The following TBX2 variants were observed in gnomAD, a reference collection of about 807,000 sequenced individuals.
TBX2 encodes T-box transcription factor 2.
TBX2 carries 19 observed loss-of-function variants against 48.4 expected under a neutral mutation model. That is an observed-to-expected ratio of 0.39 (90% CI 0.27 to 0.58). The LOEUF is 0.58. Ranked by LOEUF, TBX2 falls within the 20% of genes least tolerant of loss-of-function variation. The pLI, the probability that TBX2 is intolerant of heterozygous loss-of-function variation, is 0.54. For missense variants in TBX2, 994 were observed against 1,006.5 expected (o/e 0.99, Z 0.17); for synonymous variants, 522 against 459.7 (o/e 1.14, Z -1.73).
At position 61,403,017 on chromosome 17, in the gene TBX2, G is replaced by T; in HGVS notation, c.664-44G>T. The T allele has an allele frequency of 6.4e-7, 1 of 1,563,646 alleles. No homozygotes were observed. The highest frequency in any genetic ancestry group is 8.6e-7 in the Non-Finnish European group (1 of 1,160,556). On this transcript the variant is annotated intron_variant, in intron 2 of 6. Transcript: ENST00000240328. The surrounding 1 kb of genome is among the most constrained non-coding windows in gnomAD (Gnocchi z 5.8). Reference sequence around the variant, plus strand: ...GGTACCCAAAGAATAGAAAAGCTCGGGCCGGGGCTGGTGGCTGCCGGCTGA... The same window carrying T: ...GGTACCCAAAGAATAGAAAAGCTCGTGCCGGGGCTGGTGGCTGCCGGCTGA...
In TBX2 at chr17:61,403,249, C is replaced by T. The variant is rs779990258; in HGVS notation, c.810+42C>T. 1.1e-5 allele frequency: 17 copies of T among 1,601,834 alleles called. No homozygotes were observed. Among genetic ancestry groups the T allele is most frequent in the African/African-American group, 1.3e-5 (1 of 74,564 alleles). ...GTGGGCTAAGCCCCTGCACTGACGC[C>T]CCTCAACACGTGCAGGCCCAACCGT... On this transcript the variant is annotated intron_variant, in intron 3 of 6. Transcript: ENST00000240328. The surrounding 1 kb of genome is among the most constrained non-coding windows in gnomAD (Gnocchi z 5.8).
At chr17:61,402,700 TGGGTTTCTTTTGTGGGGA>T (rs2060268776) in intron 2 of TBX2, among the ~76,000 whole-genome samples, 1 of 152,068 alleles carries the variant, frequency 6.6e-6, no homozygotes, top group African/African-American at 2.4e-5. Flanking sequence ...TTATTTTGTT[TGGGTTTCTTTTGTGGGGA>T]GGGGTTGTTT....
chr17:61,404,906 C>T (rs1300515679), intron 5 of TBX2, 137 bp downstream of exon 5: 2 of 1,367,058 alleles, frequency 1.5e-6, no homozygotes, highest in Admixed American at 3.9e-5. Context: ...GATGGGGTTT[C>T]CGTCCCGGGA....
intron 2 of TBX2, 126 bp downstream of exon 2, chr17:61,402,077 C>G: frequency 7.3e-7 from 1 of 1,368,028 alleles, no homozygotes; most frequent in Non-Finnish European, 9.7e-7. Flanking sequence ...AGTGCCCCTG[C>G]CCGGGTCACT....
At chr17:61,407,888 C>A in intron 6 of TBX2, 166 bp from the exon 7 acceptor site, 1 of 855,840 alleles carries the variant, frequency 1.2e-6, no homozygotes, top group Non-Finnish European at 1.8e-6. Flanking sequence ...TGGCCACAGG[C>A]ACACTGGCTC....
At position 61,405,629 on chromosome 17, in the gene TBX2, T is replaced by A. The variant is rs1164146061; in HGVS notation, c.1479T>A (p.Pro493=). The change falls in exon 6 of 7, where the codon CCT becomes CCA. Residue 493 remains proline (P), a synonymous_variant. Transcript: ENST00000240328. ...CCGGCCAGCCGCTCTTCCTGCACCC[T>A]GGACAGTTCACCATGGGCCCTGGCG... ...LGAGQPLFLH[P]GQFTMGPGAF... 3 of 1,562,268 alleles carry A rather than the reference T, an allele frequency of 1.9e-6. No individual in the cohort carries two copies. The highest frequency in any genetic ancestry group is 2.6e-6 in the Non-Finnish European group (3 of 1,158,204).
Position 61,405,837 on chromosome 17 carries a change from G to T in TBX2, c.1686+1G>T. On this transcript the variant is annotated splice_donor_variant, in intron 6 of 6. Transcript: ENST00000240328. LOFTEE classifies it high-confidence loss of function. Reference sequence around the variant, plus strand: ...CTCCCAGCACATGCTGGCATCTCAGGTAAGGCCTGTGACCCCGCGGCAGCG... The same window carrying T: ...CTCCCAGCACATGCTGGCATCTCAGTTAAGGCCTGTGACCCCGCGGCAGCG... The T allele has an allele frequency of 7.6e-7, 1 of 1,309,302 alleles. No homozygotes were observed. The highest frequency in any genetic ancestry group is 9.7e-7 in the Non-Finnish European group (1 of 1,035,452). 81.1% of individuals were successfully genotyped at this position (1,309,302 alleles called of 1,614,324 possible). A position where few individuals can be genotyped will look rare whatever the true frequency, so the allele number is the denominator to read the frequency against.
At position 61,399,843 on chromosome 17, in the gene TBX2, G is replaced by C. The variant is rs1257410839; in HGVS notation, c.-334G>C. 1 of 152,114 alleles carries C rather than the reference G, an allele frequency of 6.6e-6. No individual in the cohort carries two copies. The highest frequency in any genetic ancestry group is 1.5e-5 in the Non-Finnish European group (1 of 68,072). The allele number at this position is 152,114 out of a possible 1,614,324, so 9.4% of individuals were successfully genotyped here. ...TCAGCAATCAAGGGGGGCCTGGCTC[G>C]TTAGCGCAGGGGATCCGAGCTGGGC... On this transcript the variant is annotated 5_prime_UTR_variant, in exon 1 of 7. Transcript: ENST00000240328. This position sits in a 1 kb window ranked among gnomAD's most constrained non-coding sequence, Gnocchi z 4.7.
In TBX2 at chr17:61,403,042, A is replaced by AC. The variant is rs754066715; in HGVS notation, c.664-14dup. ...GGCCGGGGCTGGTGGCTGCCGGCTGACCCCCACCCTCCCCGCAGACCATCC... is the reference window on the plus strand; with the variant it reads ...GGCCGGGGCTGGTGGCTGCCGGCTGACCCCCCACCCTCCCCGCAGACCATCC... On this transcript the variant is annotated intron_variant, in intron 2 of 6. Transcript: ENST00000240328. This position sits in a 1 kb window ranked among gnomAD's most constrained non-coding sequence, Gnocchi z 5.8. 2 of 1,593,260 alleles carry AC rather than the reference A, an allele frequency of 1.3e-6. No individual in the cohort carries two copies. The highest frequency in any genetic ancestry group is 8.5e-7 in the Non-Finnish European group (1 of 1,171,626).
At position 61,400,489 on chromosome 17, in the gene TBX2, C is replaced by CTTG. The variant is rs1289124020; in HGVS notation, c.313_314insTTG (p.Pro105delinsLeuAla). 1.9e-6 allele frequency: 3 copies of CTTG among 1,602,010 alleles called. No individual in the cohort carries two copies. The highest frequency in any genetic ancestry group is 2.7e-5 in the African/African-American group (2 of 74,756). ...GCCCGAGGACGAGGTGGAGGACGAC[C>CTTG]CCAAGGTGACGCTGGAGGCCAAGGA... is the stretch of plus-strand genomic sequence containing the variant. On this transcript the variant is annotated protein_altering_variant, in exon 1 of 7. Transcript: ENST00000240328. This position sits in a 1 kb window ranked among gnomAD's most constrained non-coding sequence, Gnocchi z 9.2.
In TBX2 at chr17:61,408,688, G is replaced by A. The variant is rs948182337; in HGVS notation, c.*182G>A. 2 of 516,276 alleles carry A rather than the reference G, an allele frequency of 3.9e-6. No homozygotes were observed. The highest frequency in any genetic ancestry group is 4.0e-5 in the African/African-American group (2 of 49,990). The allele number at this position is 516,276 out of a possible 1,614,324, so 32.0% of individuals were successfully genotyped here. The stretch of plus-strand genomic sequence containing the variant: ...GGGACACTTCCCTGGGCCTCAACAA[G>A]GATCAGGCTGCTGGAAACACAGTCA... On this transcript the variant is annotated 3_prime_UTR_variant, in exon 7 of 7. Transcript: ENST00000240328.
Position 61,402,961 on chromosome 17 carries a change from A to G in TBX2, c.664-100A>G, listed in dbSNP as rs112242392. On this transcript the variant is annotated intron_variant, in intron 2 of 6. Transcript: ENST00000240328. Reference sequence around the variant, plus strand: ...GAGAGAGAGAGAGAGAGAGAGAGAGAGAGAGAGAGAAAGTGGAGAGGAAGA... The same window carrying G: ...GAGAGAGAGAGAGAGAGAGAGAGAGGGAGAGAGAGAAAGTGGAGAGGAAGA... 269 of 138,820 alleles carry G rather than the reference A, an allele frequency of 1.9e-3. 15 individuals carry two copies. Among genetic ancestry groups the G allele is most frequent in the African/African-American group, 9.8e-3 (130 of 13,212 alleles). 8.6% of individuals were successfully genotyped at this position (138,820 alleles called of 1,614,324 possible).
Position 61,402,930 on chromosome 17 carries a change from TAGAG to T in TBX2, c.664-93_664-90del, listed in dbSNP as rs1555876930. ...GAAAATGGGGAAGAGGAAGAACCGA[TAGAG>T]AGAGAGAGAGAGAGAGAGAGAGAGA... On this transcript the variant is annotated intron_variant, in intron 2 of 6. Transcript: ENST00000240328. The T allele has an allele frequency of 3.2e-3, 557 of 172,430 alleles. 1 individual carries two copies. The highest frequency in any genetic ancestry group is 4.3e-3 in the Non-Finnish European group (404 of 93,940). 10.7% of individuals were successfully genotyped at this position (172,430 alleles called of 1,614,324 possible). A position where few individuals can be genotyped will look rare whatever the true frequency, so the allele number is the denominator to read the frequency against.
rs1341715116 is a variant in TBX2 at position 61,400,312 on chromosome 17, G to A, written c.136G>A (p.Gly46Ser). The A allele has an allele frequency of 4.6e-6, 5 of 1,080,314 alleles. No homozygotes were observed. Among genetic ancestry groups the A allele is most frequent in the African/African-American group, 1.7e-5 (1 of 58,748 alleles). 66.9% of individuals were successfully genotyped at this position (1,080,314 alleles called of 1,614,324 possible). Residue 46 changes from glycine to serine, a missense_variant, in exon 1 of 7, where the codon GGC (glycine) becomes AGC (serine). This residue lies in a region of TBX2 where 165 missense variants were observed against 136.8 expected (regional missense o/e 1.21). Coordinates refer to ENST00000240328, the MANE Select transcript of TBX2 (RefSeq NM_005994.4). This position sits in a 1 kb window ranked among gnomAD's most constrained non-coding sequence, Gnocchi z 9.2. ...CTTCCCGGCACTCGCGCTGCCGCCC[G>A]GCGCGCTGGCCAAGCCGCTGCCCGA... is the stretch of plus-strand genomic sequence containing the variant. Reference protein sequence around the residue: ...SFFPALALPPGALAKPLPDPG... With the variant: ...SFFPALALPPSALAKPLPDPG...
Position 61,400,134 on chromosome 17 carries a change from C to CG in TBX2, c.-41dup. ...GCCGGGGGTCCGAGCCGCGCGCCCC[C>CG]GGCCCCGGCCCCGGCCCCCGGGCGC... On this transcript the variant is annotated 5_prime_UTR_variant, in exon 1 of 7. Transcript: ENST00000240328. This position sits in a 1 kb window ranked among gnomAD's most constrained non-coding sequence, Gnocchi z 9.2. The CG allele has an allele frequency of 1.0e-6, 1 of 972,116 alleles. No individual in the cohort carries two copies. Among genetic ancestry groups the CG allele is most frequent in the South Asian group, 4.5e-5 (1 of 22,226 alleles). The allele number at this position is 972,116 out of a possible 1,614,324, so 60.2% of individuals were successfully genotyped here. A position where few individuals can be genotyped will look rare whatever the true frequency, so the allele number is the denominator to read the frequency against.
rs1334438382 is a variant in TBX2 at position 61,400,096 on chromosome 17, C to T, written c.-81C>T. The T allele has an allele frequency of 1.2e-6, 1 of 800,944 alleles. No homozygotes were observed. Among genetic ancestry groups the T allele is most frequent in the Non-Finnish European group, 1.5e-6 (1 of 664,042 alleles). 49.6% of individuals were successfully genotyped at this position (800,944 alleles called of 1,614,324 possible). A position where few individuals can be genotyped will look rare whatever the true frequency, so the allele number is the denominator to read the frequency against. On this transcript the variant is annotated 5_prime_UTR_variant, in exon 1 of 7. Transcript: ENST00000240328. The surrounding 1 kb of genome is among the most constrained non-coding windows in gnomAD (Gnocchi z 9.2). ...ACCCGGGTCGTCCGTCCACCGCGCG[C>T]GCCGCCGCCCGGGCCGGGGGTCCGA... is the stretch of plus-strand genomic sequence containing the variant.
Position 61,408,304 on chromosome 17 carries a change from C to G in TBX2, c.1937C>G (p.Ser646Cys). The G allele has an allele frequency of 6.2e-7, 1 of 1,612,172 alleles. No homozygotes were observed. Among genetic ancestry groups the G allele is most frequent in the Non-Finnish European group, 8.5e-7 (1 of 1,179,698 alleles). The stretch of plus-strand genomic sequence containing the variant: ...ACCACCGGGCTGGCCTCTGAGGGCT[C>G]CAAGGCCGCTGGTGGAAACAGCCGG... The part of the protein sequence containing the change: ...LLTTGLASEG[S>C]KAAGGNSREP... Residue 646 changes from serine to cysteine, a missense_variant, in exon 7 of 7, where the codon TCC becomes TGC. Physicochemically the swap from Ser to Cys is moderately radical, Grantham distance 112. Around this residue, in one of 5 missense-constraint regions of TBX2, gnomAD observed 639 missense variants for 613.2 expected, o/e 1.04. Transcript: ENST00000240328.
Position 61,400,129 on chromosome 17 carries a change from GC to G in TBX2, c.-43del, listed in dbSNP as rs1270672310. 14 of 959,744 alleles carry G rather than the reference GC, an allele frequency of 1.5e-5. No individual in the cohort carries two copies. The highest frequency in any genetic ancestry group is 4.6e-5 in the South Asian group (1 of 21,640). 59.5% of individuals were successfully genotyped at this position (959,744 alleles called of 1,614,324 possible). ...CCCGGGCCGGGGGTCCGAGCCGCGC[GC>G]CCCCGGCCCCGGCCCCGGCCCCCGG... On this transcript the variant is annotated 5_prime_UTR_variant, in exon 1 of 7. Transcript: ENST00000240328. The surrounding 1 kb of genome is among the most constrained non-coding windows in gnomAD (Gnocchi z 9.2).
rs2060261020 is a variant in TBX2, at chr17:61,400,808, CA to C, written c.395+238del. 6.6e-6 allele frequency among the ~76,000 whole-genome samples: 1 copy of C among 152,310 alleles called. No individual in the cohort carries two copies. Among genetic ancestry groups the C allele is most frequent in the Non-Finnish European group, 1.5e-5 (1 of 68,020 alleles). On this transcript the variant is annotated intron_variant, in intron 1 of 6. Coordinates refer to ENST00000240328, the MANE Select transcript of TBX2 (RefSeq NM_005994.4). This position sits in a 1 kb window ranked among gnomAD's most constrained non-coding sequence, Gnocchi z 9.2. ...TCCTCCGAATGAAATAAAACGAAAACATACTGCTAAAGAATAGCCCCAACCG... is the reference window on the plus strand; with the variant it reads ...TCCTCCGAATGAAATAAAACGAAAACTACTGCTAAAGAATAGCCCCAACCG...
Sources: allele counts gnomAD v4.1 joint callset (sites outside exome capture counted in the v4.1 genomes callset), GRCh38; gene constraint gnomAD v4.1.1; regional missense constraint gnomAD v4.1.1; non-coding constraint Gnocchi (gnomAD v3.1); transcripts MANE v1.5; gene names NCBI Gene and HGNC (gene_info 2026-07-23, HGNC 2026-07-21).